MOXD1: variants seen among roughly 807,000 people sequenced by gnomAD.
MOXD1 encodes the protein DBH-like monooxygenase protein 1.
In MOXD1, 62 loss-of-function variants were observed where a neutral mutation model predicts 66.6. That is an observed-to-expected ratio of 0.93 (90% confidence interval 0.76 to 1.15). MOXD1 has a LOEUF of 1.15. MOXD1 is among the 50% of genes most tolerant of loss of function. The pLI is 0.00. For synonymous variants in MOXD1, 303 were observed against 281.9 expected, an observed-to-expected ratio of 1.07 and a Z score of -0.75; for missense variants, 847 against 754.6, an observed-to-expected ratio of 1.12 and a Z score of -1.44.
At chr6:132,352,585 T>G (rs980923788) in intron 4 of MOXD1, among the ~76,000 whole-genome samples, 4 of 152,182 alleles carry the variant, frequency 2.6e-5, no homozygotes, top group Non-Finnish European at 4.4e-5. Flanking sequence ...TTCCATGCAC[T>G]GTTGAAAAGA....
intron 1 of MOXD1, among the ~76,000 whole-genome samples, chr6:132,378,593 A>T (rs1021575401): frequency 5.3e-5 from 8 of 152,256 alleles, no homozygotes; most frequent in African/African-American, 1.4e-4. Flanking sequence ...AATAGATCCT[A>T]CAGACACTAA....
chr6:132,325,003 C>T (rs962061348), intron 6 of MOXD1: 1 of 150,206 alleles, frequency 6.7e-6, no homozygotes, highest in African/African-American at 2.4e-5. Flanking sequence ...AGAAGATATC[C>T]ATTACTTTTA....
At chr6:132,373,357 T>C (rs988888701) in intron 2 of MOXD1, among the ~76,000 whole-genome samples, 2 of 152,202 alleles carry the variant, frequency 1.3e-5, no homozygotes, top group Non-Finnish European at 2.9e-5. Flanking sequence ...CAAATATTCT[T>C]GTTCAGCAGC....
chr6:132,317,032 A>T (rs1481060359), intron 9 of MOXD1, among the ~76,000 whole-genome samples: 1 of 152,136 alleles, frequency 6.6e-6, no homozygotes, highest in Non-Finnish European at 1.5e-5. Context: ...TCTTGAAAGG[A>T]GCAAGAGAAA....
In MOXD1 at chr6:132,385,919, C is replaced by T. The variant is rs557636990; in HGVS notation, c.265-11142G>A. ...GAGATCGAGACCATCCTGGCTAACA[C>T]GGTTAAACCCTATCTCTACTAAAAG... On this transcript the variant is annotated intron_variant, in intron 1 of 11. Coordinates refer to ENST00000367963, the MANE Select transcript of MOXD1 (RefSeq NM_015529.4). 1.1e-4 allele frequency among the ~76,000 whole-genome samples: 16 copies of T among 150,894 alleles called. No homozygotes were observed. The South Asian group carries it at 1.7e-3, about 16-fold the overall frequency.
Position 132,356,821 on chromosome 6 carries a change from T to A in MOXD1, c.663+15787A>T, listed in dbSNP as rs1187608742. Reference sequence around the variant, plus strand: ...AAGAGATTAACCCAAAAAAATCCTATATAAATGTTGTAAATGTTTTCTTCA... The same window carrying A: ...AAGAGATTAACCCAAAAAAATCCTAAATAAATGTTGTAAATGTTTTCTTCA... On this transcript the variant is annotated intron_variant, in intron 4 of 11. Coordinates refer to ENST00000367963, the MANE Select transcript of MOXD1 (RefSeq NM_015529.4). 2.6e-5 allele frequency among the ~76,000 whole-genome samples: 4 copies of A among 152,224 alleles called. No individual in the cohort carries two copies. In the East Asian group the frequency reaches 7.7e-4, roughly 29 times the overall value.
At chr6:132,363,337 A>G (rs758121895) in intron 4 of MOXD1, among the ~76,000 whole-genome samples, 1 of 152,076 alleles carries the variant, frequency 6.6e-6, no homozygotes, top group Non-Finnish European at 1.5e-5. Flanking sequence ...ATCAAATGGT[A>G]CACACTATAA....
At chr6:132,372,129 T>C (rs918437837) in intron 4 of MOXD1, among the ~76,000 whole-genome samples, 1 of 152,234 alleles carries the variant, frequency 6.6e-6, no homozygotes, top group South Asian at 2.1e-4. Context: ...TCTGTATTTC[T>C]TTATTTCTGT....
chr6:132,318,573 T>C (rs1775006985), intron 9 of MOXD1, among the ~76,000 whole-genome samples: 1 of 152,096 alleles, frequency 6.6e-6, no homozygotes, highest in African/African-American at 2.4e-5. Flanking sequence ...GATACTAATG[T>C]CCTGTTAATC....
chr6:132,396,380 A>T (rs1203856033), intron 1 of MOXD1, among the ~76,000 whole-genome samples: 2 of 152,136 alleles, frequency 1.3e-5, no homozygotes, highest in Non-Finnish European at 2.9e-5. Context: ...GTACAGTAAA[A>T]GCAGTGCTAA....
At chr6:132,333,204 C>T (rs547814830) in intron 4 of MOXD1, among the ~76,000 whole-genome samples, 5 of 151,790 alleles carry the variant, frequency 3.3e-5, no homozygotes, top group South Asian at 4.2e-4. Flanking sequence ...GGCGTGGTAG[C>T]GGGCACCTGT....
intron 6 of MOXD1, 33 bp from the exon 7 acceptor site, chr6:132,324,130 T>G: frequency 6.3e-7 from 1 of 1,586,020 alleles, no homozygotes; most frequent in East Asian, 2.3e-5. Flanking sequence ...AAGTGATTTT[T>G]GGTTCTTAAA....
chr6:132,313,926 A>G (rs1347771902), intron 10 of MOXD1, among the ~76,000 whole-genome samples: 1 of 152,160 alleles, frequency 6.6e-6, no homozygotes, highest in East Asian at 1.9e-4. Flanking sequence ...AAAAAAACAA[A>G]AACAAAAACA....
chr6:132,304,514 T>G (rs1487717637), intron 10 of MOXD1, among the ~76,000 whole-genome samples: 1 of 152,184 alleles, frequency 6.6e-6, no homozygotes, highest in Non-Finnish European at 1.5e-5. Flanking sequence ...GTCTTTCAGC[T>G]GCCATGCAAC....
rs9402403 is a variant in MOXD1, at chr6:132,397,636, C to A, written c.264+3527G>T. Among the ~76,000 whole-genome samples, 829 of 122,198 alleles carry A rather than the reference C, an allele frequency of 6.8e-3. 11 individuals carry two copies. Among genetic ancestry groups the A allele is most frequent in the African/African-American group, 0.023 (717 of 31,482 alleles). The allele number at this position is 122,198 out of a possible 152,430, so 80.2% of individuals were successfully genotyped here. ...ACAGAGAGAGAGAGAGAGAGAGAGA[C>A]AGAAAGAAAGAAAGAAAGAAAGAAA... On this transcript the variant is annotated intron_variant, in intron 1 of 11. Coordinates refer to ENST00000367963, the MANE Select transcript of MOXD1 (RefSeq NM_015529.4).
intron 1 of MOXD1, among the ~76,000 whole-genome samples, chr6:132,398,875 T>G (rs1301065636): frequency 1.4e-5 from 2 of 143,794 alleles, no homozygotes; most frequent in African/African-American, 2.6e-5. Flanking sequence ...AGAGGTGAGG[T>G]TGCAGTGAGC....
At position 132,323,532 on chromosome 6, in the gene MOXD1, T is replaced by C. The variant is rs1775124965; in HGVS notation, c.1113+399A>G. Among the ~76,000 whole-genome samples, 6 of 152,128 alleles carry C rather than the reference T, an allele frequency of 3.9e-5. No individual in the cohort carries two copies. In the South Asian group the frequency reaches 1.0e-3, roughly 26 times the overall value. On this transcript the variant is annotated intron_variant, in intron 7 of 11. Transcript: ENST00000367963. The stretch of plus-strand genomic sequence containing the variant: ...TTTTATATTAGTTATTTTTGCTCTG[T>C]GGTGAAGAAAGGGAAGGAAACTATA...
intron 4 of MOXD1, among the ~76,000 whole-genome samples, chr6:132,344,309 A>G (rs1775626679): frequency 6.6e-6 from 1 of 152,326 alleles, no homozygotes; most frequent in South Asian, 2.1e-4. Context: ...TTCCTACCAC[A>G]CAAGGTGATC....
chr6:132,327,167 C>G (rs1775208460), intron 6 of MOXD1, among the ~76,000 whole-genome samples: 1 of 152,174 alleles, frequency 6.6e-6, no homozygotes, highest in Non-Finnish European at 1.5e-5. Flanking sequence ...CCATCCCCAC[C>G]AATACACACT....
Sources: allele counts gnomAD v4.1 joint callset (sites outside exome capture counted in the v4.1 genomes callset), GRCh38; gene constraint gnomAD v4.1.1; transcripts MANE v1.5; gene names NCBI Gene and HGNC (gene_info 2026-07-23, HGNC 2026-07-21).